PPP4R3A: variants seen among roughly 807,000 people sequenced by gnomAD.
PPP4R3A encodes the protein protein phosphatase 4 regulatory subunit 3A.
A neutral mutation model predicts 91.7 loss-of-function variants in PPP4R3A; 15 were observed. The observed-to-expected ratio is 0.16, with a 90% CI of 0.11 to 0.25. PPP4R3A has a LOEUF of 0.25. Ranked by LOEUF, PPP4R3A falls within the 10% of genes least tolerant of loss-of-function variation. The probability of loss-of-function intolerance (pLI) is 1.00; values close to 1 mark genes in which losing one functional copy is unlikely to be tolerated. For missense variants in PPP4R3A, 623 were observed against 998.4 expected (o/e 0.62, Z 5.07); for synonymous variants, 377 against 348.7 (o/e 1.08, Z -0.91).
chr14:91,460,213 C>T (rs539986918), intron 14 of PPP4R3A, among the ~76,000 whole-genome samples: 15 of 152,100 alleles, frequency 9.9e-5, no homozygotes, highest in Admixed American at 2.6e-4. Context: ...GGGGTTTCAC[C>T]GTATTAGCCA....
chr14:91,475,462 A>T, intron 7 of PPP4R3A: 1 of 228,508 alleles, frequency 4.4e-6, no homozygotes, highest in Non-Finnish European at 8.7e-6. Flanking sequence ...AATCTACCCT[A>T]AAGTCAATGT....
Position 91,490,617 on chromosome 14 carries a change from C to A in PPP4R3A, c.198+130G>T, listed in dbSNP as rs1229326710. 8 of 671,496 alleles carry A rather than the reference C, an allele frequency of 1.2e-5. No homozygotes were observed. The Admixed American group carries it at 2.6e-4, about 22-fold the overall frequency. The allele number at this position is 671,496 out of a possible 1,614,324, so 41.6% of individuals were successfully genotyped here. A position where few individuals can be genotyped will look rare whatever the true frequency, so the allele number is the denominator to read the frequency against. On this transcript the variant is annotated intron_variant, in intron 2 of 14. Coordinates refer to ENST00000554943, the MANE Select transcript of PPP4R3A (RefSeq NM_001366432.2). ...AAACACTATAGGAATTGGCAGAAATCCTATTTTAGAATTTCACTGCCAAAC... is the reference window on the plus strand; with the variant it reads ...AAACACTATAGGAATTGGCAGAAATACTATTTTAGAATTTCACTGCCAAAC...
At chr14:91,472,080 A>G (rs1888878375) in intron 9 of PPP4R3A, among the ~76,000 whole-genome samples, 1 of 151,768 alleles carries the variant, frequency 6.6e-6, no homozygotes, top group Middle Eastern at 3.4e-3. Flanking sequence ...AAAAAAAAAA[A>G]AAAAAAAATT....
At chr14:91,501,145 A>G (rs543627883) in intron 1 of PPP4R3A, among the ~76,000 whole-genome samples, 1 of 152,360 alleles carries the variant, frequency 6.6e-6, no homozygotes, top group South Asian at 2.1e-4. Context: ...GAAACGAGAT[A>G]GTATAGAGAA....
In PPP4R3A at chr14:91,509,576, G is replaced by T. The variant is rs776293909; in HGVS notation, c.72C>A (p.Thr24=). Residue 24 remains threonine, a synonymous_variant, in exon 1 of 15, where the codon ACC becomes ACA. Transcript: ENST00000554943. ...CCACGTAGCCAGACGACACATGCCC[G>T]GTGCCCCGGTCGTCCCACTGCCGGT... ...NEDRQWDDRG[T]GHVSSGYVER... 6.2e-7 allele frequency: 1 copy of T among 1,602,616 alleles called. No homozygotes were observed.
chr14:91,463,302 T>G (rs2140068664), intron 11 of PPP4R3A, among the ~76,000 whole-genome samples: 2 of 152,068 alleles, frequency 1.3e-5, no homozygotes, highest in Middle Eastern at 6.8e-3. Flanking sequence ...CGACCTCAGG[T>G]GATCTGCCTG....
intron 1 of PPP4R3A, among the ~76,000 whole-genome samples, 165 bp from the exon 2 acceptor site, chr14:91,490,967 C>T (rs1052054533): frequency 2.3e-4 from 34 of 149,540 alleles, no homozygotes; most frequent in African/African-American, 7.9e-4. Context: ...TGCACTGGCA[C>T]GATCCTCAGC....
chr14:91,498,379 GAA>G (rs1323857269), intron 1 of PPP4R3A, among the ~76,000 whole-genome samples: 2 of 151,660 alleles, frequency 1.3e-5, no homozygotes, highest in African/African-American at 2.4e-5. Flanking sequence ...TCTTATTTTA[GAA>G]AAGTTATTTT....
chr14:91,483,587 T>C (rs1459856722), intron 3 of PPP4R3A, among the ~76,000 whole-genome samples: 2 of 152,218 alleles, frequency 1.3e-5, no homozygotes, highest in African/African-American at 4.8e-5. Context: ...GCCCTTATTA[T>C]ATTAAGAATG....
chr14:91,502,564 C>G (rs77856021), intron 1 of PPP4R3A, among the ~76,000 whole-genome samples: 4,450 of 152,272 alleles, frequency 0.029, 214 homozygotes, highest in African/African-American at 0.1. Flanking sequence ...GCTCTTACCC[C>G]CAAAAGCTTT....
intron 1 of PPP4R3A, among the ~76,000 whole-genome samples, chr14:91,506,538 T>C (rs996677959): frequency 6.6e-6 from 1 of 152,146 alleles, no homozygotes; most frequent in African/African-American, 2.4e-5. Context: ...CCTGGAATTT[T>C]TTCTAAGTCC....
chr14:91,486,739 C>T (rs913407980), intron 2 of PPP4R3A, among the ~76,000 whole-genome samples: 1 of 151,300 alleles, frequency 6.6e-6, no homozygotes, highest in Non-Finnish European at 1.5e-5. Flanking sequence ...CGGTGAAACC[C>T]CATCTCTACT....
chr14:91,472,794 CATT>C (rs1188514646), intron 9 of PPP4R3A, among the ~76,000 whole-genome samples: 1 of 147,030 alleles, frequency 6.8e-6, no homozygotes, highest in Non-Finnish European at 1.5e-5. Context: ...CAAAATACAT[CATT>C]AATTCTCCAG....
At chr14:91,491,290 G>A (rs1890221267) in intron 1 of PPP4R3A, among the ~76,000 whole-genome samples, 1 of 151,800 alleles carries the variant, frequency 6.6e-6, no homozygotes, top group African/African-American at 2.4e-5. Context: ...CAACTCCTGG[G>A]CTCAAGTGAT....
intron 1 of PPP4R3A, among the ~76,000 whole-genome samples, chr14:91,500,764 G>A (rs1429462214): frequency 1.3e-5 from 2 of 152,104 alleles, no homozygotes; most frequent in Admixed American, 6.5e-5. Flanking sequence ...GCTCATTACT[G>A]TAATCCCAGC....
chr14:91,486,902 CTCCAAAAAA>C (rs1567157191), intron 2 of PPP4R3A, among the ~76,000 whole-genome samples: 1 of 70,754 alleles, frequency 1.4e-5, no homozygotes, highest in South Asian at 4.4e-4. Context: ...AAAACTCTGT[CTCCAAAAAA>C]AAAAAAAAAA....
intron 7 of PPP4R3A, 184 bp downstream of exon 7, chr14:91,475,625 CAT>C: frequency 2.0e-6 from 1 of 488,840 alleles, no homozygotes; most frequent in Non-Finnish European, 3.5e-6. Flanking sequence ...TTTAAATGAA[CAT>C]AAATAGTTGC....
intron 3 of PPP4R3A, among the ~76,000 whole-genome samples, chr14:91,483,911 G>A (rs1231548343): frequency 6.6e-6 from 1 of 152,220 alleles, no homozygotes; most frequent in Non-Finnish European, 1.5e-5. Flanking sequence ...GCATGACAAT[G>A]ACAAAGTGAG....
chr14:91,477,265 A>G (rs1382839709), intron 4 of PPP4R3A, among the ~76,000 whole-genome samples: 1 of 152,204 alleles, frequency 6.6e-6, no homozygotes, highest in African/African-American at 2.4e-5. Context: ...ACCCTGCTCC[A>G]GTAATATGAA....
Sources: gnomAD v4.1 joint callset for allele counts (sites outside exome capture counted in the v4.1 genomes callset) on GRCh38, gnomAD v4.1.1 for gene constraint, MANE v1.5 for transcripts, NCBI Gene and HGNC (gene_info 2026-07-23, HGNC 2026-07-21) for gene names.